Variants in IQSEC1 observed in about 807,000 individuals in gnomAD.
IQSEC1 encodes IQ motif and Sec7 domain ArfGEF 1, also known as IQ motif and SEC7 domain-containing protein 1.
IQSEC1 carries 31 observed loss-of-function variants against 91.0 expected under a neutral mutation model. That is an observed-to-expected ratio of 0.34 (90% confidence interval 0.26 to 0.46). The LOEUF is 0.46. Among genes scored for constraint, IQSEC1 ranks in the 20% least tolerant of loss-of-function variants. The pLI is 1.00. For missense variants in IQSEC1, 1,388 were observed against 1,575.6 expected (o/e 0.88, Z 2.02); for synonymous variants, 699 against 662.6 (o/e 1.05, Z -0.84).
intron 1 of IQSEC1, among the ~76,000 whole-genome samples, chr3:13,253,177 C>T (rs1695228017): frequency 6.6e-6 from 1 of 152,168 alleles, no homozygotes; most frequent in Non-Finnish European, 1.5e-5. Context: ...CACTTAAACC[C>T]CCAATAGCCC....
chr3:12,942,793 T>C (rs1394956165), intron 1 of IQSEC1, among the ~76,000 whole-genome samples: 1 of 152,144 alleles, frequency 6.6e-6, no homozygotes, highest in Admixed American at 6.5e-5. Flanking sequence ...CACTGGGGTG[T>C]CCTGATCCAG....
At chr3:12,985,311 G>T (rs1701673843) in intron 1 of IQSEC1, among the ~76,000 whole-genome samples, 1 of 152,128 alleles carries the variant, frequency 6.6e-6, no homozygotes. Flanking sequence ...GCCCAGAGAG[G>T]GCCAGGGCTG....
At chr3:13,102,604 G>A (rs941228143) in intron 2 of IQSEC1, among the ~76,000 whole-genome samples, 3 of 152,208 alleles carry the variant, frequency 2.0e-5, no homozygotes, top group African/African-American at 7.2e-5. Context: ...TCCCCGGTCG[G>A]GTGGGGATTG....
intron 1 of IQSEC1, among the ~76,000 whole-genome samples, chr3:12,981,709 C>T (rs1035016135): frequency 6.6e-6 from 1 of 152,190 alleles, no homozygotes; most frequent in African/African-American, 2.4e-5. Context: ...ATCTCTCTCT[C>T]ATATATACAT....
At chr3:12,932,478 G>A (rs952612351) in intron 3 of IQSEC1, among the ~76,000 whole-genome samples, 7 of 152,204 alleles carry the variant, frequency 4.6e-5, no homozygotes, top group African/African-American at 1.2e-4. Flanking sequence ...GTGCGTTAGC[G>A]CGTGACAGGC....
chr3:13,199,778 C>T (rs1271746087), intron 1 of IQSEC1, among the ~76,000 whole-genome samples: 1 of 17,626 alleles, frequency 5.7e-5, no homozygotes, highest in Non-Finnish European at 1.0e-4. Flanking sequence ...GCCCTTCCCT[C>T]TGCTCCAGGC....
At chr3:13,131,092 A>T (rs1706608908) in intron 2 of IQSEC1, among the ~76,000 whole-genome samples, 1 of 135,106 alleles carries the variant, frequency 7.4e-6, no homozygotes, top group South Asian at 2.5e-4. Context: ...ATCTCAAACC[A>T]TAATTTTGTA....
chr3:13,153,322 G>A lies in IQSEC1; in HGVS notation c.302+10782C>T, dbSNP rs561156798. Reference sequence around the variant, plus strand: ...CCCTTTAGAACAAAACTCCAAGCCCGTCCTGTGGAAGTGGACTTGGACTGG... The same window carrying A: ...CCCTTTAGAACAAAACTCCAAGCCCATCCTGTGGAAGTGGACTTGGACTGG... On this transcript the variant is annotated intron_variant, in intron 2 of 15. Transcript: ENST00000648114. Among the ~76,000 whole-genome samples, 4 of 152,274 alleles carry A rather than the reference G, an allele frequency of 2.6e-5. No homozygotes were observed. In the East Asian group the frequency reaches 5.8e-4, roughly 22 times the overall value.
intron 9 of IQSEC1, among the ~76,000 whole-genome samples, chr3:12,913,001 C>T (rs1695715713): frequency 1.3e-5 from 2 of 152,240 alleles, no homozygotes; most frequent in Admixed American, 6.5e-5. Flanking sequence ...GAGGGATGTG[C>T]AGCGACAAGC....
chr3:13,255,610 T>C (rs957815200), intron 1 of IQSEC1, among the ~76,000 whole-genome samples: 2 of 139,292 alleles, frequency 1.4e-5, no homozygotes, highest in Admixed American at 6.9e-5. Flanking sequence ...GCTTACAGTG[T>C]TTTGGGGTTT....
chr3:13,218,846 C>G (rs1694598506), intron 1 of IQSEC1, among the ~76,000 whole-genome samples: 1 of 152,174 alleles, frequency 6.6e-6, no homozygotes, highest in South Asian at 2.1e-4. Flanking sequence ...TGGAAGGAAC[C>G]TGGAGGAAGG....
At chr3:13,065,298 G>A (rs1705196712) in intron 1 of IQSEC1, among the ~76,000 whole-genome samples, 1 of 152,228 alleles carries the variant, frequency 6.6e-6, no homozygotes, top group Non-Finnish European at 1.5e-5. Flanking sequence ...TAAATGCACA[G>A]AAATTCACCA....
intron 9 of IQSEC1, among the ~76,000 whole-genome samples, chr3:12,912,198 G>A (rs934542629): frequency 2.0e-5 from 3 of 152,226 alleles, no homozygotes; most frequent in African/African-American, 7.2e-5. Context: ...ATCCCAGCTG[G>A]CCCGCCACGG....
chr3:12,899,541 CT>C lies in IQSEC1; in HGVS notation c.*1441del. 1.3e-6 allele frequency: 2 copies of C among 1,516,120 alleles called. No homozygotes were observed. The highest frequency in any genetic ancestry group is 1.8e-6 in the Non-Finnish European group (2 of 1,122,840). 93.9% of individuals were successfully genotyped at this position (1,516,120 alleles called of 1,614,324 possible). A position where few individuals can be genotyped will look rare whatever the true frequency, so the allele number is the denominator to read the frequency against. On this transcript the variant is annotated 3_prime_UTR_variant, in exon 14 of 14. Transcript: ENST00000613206. ...CAACACAGAAGCGACAAGAGCACAG[CT>C]GAGAGTCATGTGATGCCCTGGCAGC...
At chr3:12,921,703 C>T (rs541205601) in intron 5 of IQSEC1, among the ~76,000 whole-genome samples, 45 of 152,336 alleles carry the variant, frequency 3.0e-4, no homozygotes, top group Non-Finnish European at 5.7e-4. Context: ...ATCTGGCTGT[C>T]TGGCTTGTGC....
chr3:13,088,321 C>T (rs1705776246), intron 2 of IQSEC1, among the ~76,000 whole-genome samples: 1 of 152,184 alleles, frequency 6.6e-6, no homozygotes, highest in Non-Finnish European at 1.5e-5. Context: ...GCTGACGACG[C>T]CCTCGCTTGA....
At chr3:12,947,375 G>T (rs548651150) in intron 1 of IQSEC1, among the ~76,000 whole-genome samples, 1 of 152,186 alleles carries the variant, frequency 6.6e-6, no homozygotes, top group African/African-American at 2.4e-5. Context: ...CTATCCCAGG[G>T]CCATATGACC....
intron 1 of IQSEC1, among the ~76,000 whole-genome samples, chr3:13,171,843 G>A (rs951721834): frequency 1.3e-5 from 2 of 152,192 alleles, no homozygotes; most frequent in African/African-American, 4.8e-5. Flanking sequence ...AGGGCTTGGT[G>A]TGTGAGAGGC....
rs1698040857 is a variant in IQSEC1, at chr3:12,935,017, C to G, written c.1568+431G>C. On this transcript the variant is annotated intron_variant, in intron 3 of 13. Transcript: ENST00000613206. This position sits in a 1 kb window ranked among gnomAD's most constrained non-coding sequence, Gnocchi z 8.0. ...CACAAGACACAGCCCTGGGTCTCGC[C>G]TGTCTGCCCCTGCCCCCCACTGACA... 6.6e-6 allele frequency among the ~76,000 whole-genome samples: 1 copy of G among 151,958 alleles called. No individual in the cohort carries two copies. Among genetic ancestry groups the G allele is most frequent in the African/African-American group, 2.4e-5 (1 of 41,376 alleles).
Sources: allele counts gnomAD v4.1 joint callset (sites outside exome capture counted in the v4.1 genomes callset), GRCh38; gene constraint gnomAD v4.1.1; non-coding constraint Gnocchi (gnomAD v3.1); transcripts MANE v1.5; gene names NCBI Gene and HGNC (gene_info 2026-07-23, HGNC 2026-07-21).